Variants in C1QTNF6 observed in about 807,000 individuals in gnomAD.
C1QTNF6 encodes C1q and TNF related 6.
Under a neutral mutation model 20.7 loss-of-function variants are expected in C1QTNF6, and 17 were observed. The ratio of observed to expected loss-of-function variants is 0.82; its 90% CI spans 0.56 to 1.23. The LOEUF (loss-of-function observed/expected upper bound fraction) is 1.23, where lower values mean the gene tolerates loss of function less well. C1QTNF6 is among the 50% of genes most tolerant of loss of function. C1QTNF6 has a pLI of 0.00. For synonymous variants in C1QTNF6, 130 were observed against 156.3 expected, an observed-to-expected ratio of 0.83 and a Z score of 1.25; for missense variants, 329 against 389.7, an observed-to-expected ratio of 0.84 and a Z score of 1.31.
chr22:37,188,291 G>A, upstream of C1QTNF6: 1 of 1,302,838 alleles, frequency 7.7e-7, no homozygotes, highest in East Asian at 3.9e-5. Context: ...AGAGGAGGGA[G>A]AGAGGAGGGG....
rs190197150 is a variant in C1QTNF6, at chr22:37,185,904, T to C, written c.52-449A>G. ...GGCACTTTCTTGCCACCGACTCCACTATCTCCAGCAAACACATGCCCTCCG... is the reference window on the plus strand; with the variant it reads ...GGCACTTTCTTGCCACCGACTCCACCATCTCCAGCAAACACATGCCCTCCG... On this transcript the variant is annotated intron_variant, in intron 1 of 2. Coordinates refer to ENST00000337843, the MANE Select transcript of C1QTNF6 (RefSeq NM_031910.4). The C allele has an allele frequency of 5.7e-4, 565 of 986,800 alleles. 4 individuals are homozygous for C. The African/African-American group carries it at 9.4e-3, about 16-fold the overall frequency. 61.1% of individuals were successfully genotyped at this position (986,800 alleles called of 1,614,324 possible). A position where few individuals can be genotyped will look rare whatever the true frequency, so the allele number is the denominator to read the frequency against.
upstream of C1QTNF6, chr22:37,188,295 GGAGGGGATGGAGGGAGA>G: frequency 7.4e-7 from 1 of 1,342,518 alleles, no homozygotes; most frequent in Non-Finnish European, 1.0e-6. Context: ...GAGGGAGAGA[GGAGGGGATGGAGGGAGA>G]GAGGGCGGAG....
upstream of C1QTNF6, among the ~76,000 whole-genome samples, chr22:37,192,615 C>CTGA (rs756885904): frequency 1.1e-3 from 160 of 152,336 alleles, no homozygotes; most frequent in Non-Finnish European, 1.9e-3. Context: ...TTTAATGTTA[C>CTGA]TGATAATCTT....
At chr22:37,197,962 A>C (rs998419019), upstream of C1QTNF6, 1 of 152,322 alleles carries the variant, frequency 6.6e-6, no homozygotes, top group Admixed American at 6.5e-5. Context: ...GGGCCAGATA[A>C]ACATGAGGAG....
At chr22:37,198,658 G>GCCCGGGAA (rs1262693223), upstream of C1QTNF6, among the ~76,000 whole-genome samples, 1 of 152,004 alleles carries the variant, frequency 6.6e-6, no homozygotes. Context: ...GAGCCCCCGC[G>GCCCGGGAA]CCCGGGAACC....
chr22:37,193,728 CAA>C (rs1924954998), intron 2 of C1QTNF6, among the ~76,000 whole-genome samples: 1 of 152,028 alleles, frequency 6.6e-6, no homozygotes. Flanking sequence ...AAGGTATTTT[CAA>C]AGAGGTGATA....
upstream of C1QTNF6, among the ~76,000 whole-genome samples, chr22:37,198,916 A>C (rs229555): frequency 0.057 from 8,731 of 152,250 alleles, 763 homozygotes; most frequent in African/African-American, 0.19. Context: ...GCTCTCCGGA[A>C]CCAGGTTCCC....
chr22:37,180,565 A>C lies in C1QTNF6; in HGVS notation c.*1623T>G, dbSNP rs1470400096. On this transcript the variant is annotated 3_prime_UTR_variant, in exon 3 of 3. Coordinates refer to ENST00000337843, the MANE Select transcript of C1QTNF6 (RefSeq NM_031910.4). ...GGGGCTTCCGTGGCCCTTCTCCTGC[A>C]GGTGTTTGTAAAGGCAGCACCAGGC... The C allele has an allele frequency of 2.0e-5, 3 of 152,598 alleles. No homozygotes were observed. The highest frequency in any genetic ancestry group is 7.2e-5 in the African/African-American group (3 of 41,470). The allele number at this position is 152,598 out of a possible 1,614,324, so 9.5% of individuals were successfully genotyped here.
upstream of C1QTNF6, among the ~76,000 whole-genome samples, chr22:37,189,792 A>G (rs1274028341): frequency 1.3e-5 from 2 of 152,210 alleles, no homozygotes; most frequent in South Asian, 2.1e-4. Context: ...CTACAACAGC[A>G]AAGTAAAATA....
At chr22:37,192,757 T>C (rs2145780351), upstream of C1QTNF6, among the ~76,000 whole-genome samples, 1 of 152,356 alleles carries the variant, frequency 6.6e-6, no homozygotes, top group Admixed American at 6.5e-5. Context: ...AGCTCTTTCA[T>C]ATATCAACAT....
intron 2 of C1QTNF6, among the ~76,000 whole-genome samples, chr22:37,183,986 C>A (rs1394079696): frequency 6.6e-6 from 1 of 152,176 alleles, no homozygotes; most frequent in Non-Finnish European, 1.5e-5. Flanking sequence ...TCCCTCACGG[C>A]AGCCTACCCA....
At position 37,182,608 on chromosome 22, in the gene C1QTNF6, G is replaced by A; in HGVS notation, c.417C>T (p.Cys139=). ...KGEMGSPGAP[C]QKRFFAFSVG... is the part of the protein sequence containing the mutation. ...CTGAGAAGGCGAAGAAGCGCTTCTG[G>A]CACGGGGCGCCGGGGCTGCCCATCT... The change falls in exon 3 of 3, where the codon TGC becomes TGT. Residue 139 remains cysteine (C), a synonymous_variant. Transcript: ENST00000337843. 1 of 1,613,786 alleles carries A rather than the reference G, an allele frequency of 6.2e-7. No homozygotes were observed. Among genetic ancestry groups the A allele is most frequent in the Non-Finnish European group, 8.5e-7 (1 of 1,180,034 alleles).
chr22:37,198,896 G>A (rs1925315579), upstream of C1QTNF6, among the ~76,000 whole-genome samples: 1 of 152,188 alleles, frequency 6.6e-6, no homozygotes, highest in Non-Finnish European at 1.5e-5. Context: ...CAGGGGCCGG[G>A]GAAAGTTTCG....
At chr22:37,185,896 G>A (rs1342826844) in intron 1 of C1QTNF6, 21 of 987,042 alleles carry the variant, frequency 2.1e-5, no homozygotes, top group East Asian at 1.1e-4. Context: ...TCTTGCCACC[G>A]ACTCCACTAT....
chr22:37,191,461 T>G (rs964623480), upstream of C1QTNF6, among the ~76,000 whole-genome samples: 1 of 152,164 alleles, frequency 6.6e-6, no homozygotes, highest in African/African-American at 2.4e-5. Flanking sequence ...AAGCCAAATA[T>G]GTCATTTTTG....
chr22:37,193,834 A>C (rs1481201961), intron 2 of C1QTNF6, among the ~76,000 whole-genome samples: 2 of 152,234 alleles, frequency 1.3e-5, no homozygotes, highest in Non-Finnish European at 2.9e-5. Flanking sequence ...GAAGAAAATG[A>C]ATAAATGGCA....
intron 2 of C1QTNF6, 38 bp from the exon 3 acceptor site, chr22:37,182,773 C>T (rs770657726): frequency 1.3e-6 from 2 of 1,527,976 alleles, no homozygotes; most frequent in Non-Finnish European, 1.8e-6. Context: ...GGGTGGACAT[C>T]TGAGCCTGCT....
chr22:37,182,545 G>A lies in C1QTNF6; in HGVS notation c.480C>T (p.Phe160=). The A allele has an allele frequency of 1.2e-6, 2 of 1,614,228 alleles. No individual in the cohort carries two copies. Among genetic ancestry groups the A allele is most frequent in the Non-Finnish European group, 1.7e-6 (2 of 1,180,044 alleles). ...AGACCCTTTCGAAGAGCAGCGTCTGGAAGTCCTCGCCGCTGTGCAGGGCCG... is the reference window on the plus strand; with the variant it reads ...AGACCCTTTCGAAGAGCAGCGTCTGAAAGTCCTCGCCGCTGTGCAGGGCCG... ...RKTALHSGED[F]QTLLFERVFV... Residue 160 remains phenylalanine (F), a synonymous_variant, in exon 3 of 3, where the codon TTC becomes TTT. Transcript: ENST00000337843.
upstream of C1QTNF6, among the ~76,000 whole-genome samples, chr22:37,190,307 G>A (rs1027111067): frequency 1.3e-5 from 2 of 152,150 alleles, no homozygotes; most frequent in Non-Finnish European, 2.9e-5. Flanking sequence ...ATAATTATTT[G>A]CCATACAGGC....
Sources: gnomAD v4.1 joint callset for allele counts (sites outside exome capture counted in the v4.1 genomes callset) on GRCh38, gnomAD v4.1.1 for gene constraint, MANE v1.5 for transcripts, NCBI Gene and HGNC (gene_info 2026-07-23, HGNC 2026-07-21) for gene names.